Variants in UGT1A6 observed in about 807,000 individuals in gnomAD.
UGT1A6 encodes the protein UDP glucuronosyltransferase family 1 member A6, also known as UDP-glucuronosyltransferase 1A6.
In UGT1A6, 32 loss-of-function variants were observed where a neutral mutation model predicts 44.4. The ratio of observed to expected loss-of-function variants is 0.72; its 90% CI spans 0.54 to 0.97. The LOEUF (loss-of-function observed/expected upper bound fraction) is 0.97. UGT1A6 is among the 50% of genes least tolerant of loss of function. The pLI, the probability that UGT1A6 is intolerant of heterozygous loss-of-function variation, is 0.00. For missense variants in UGT1A6, 685 were observed against 661.9 expected (o/e 1.03, Z -0.38); for synonymous variants, 238 against 248.5 (o/e 0.96, Z 0.40).
At chr2:233,758,862 T>C (rs1697002343) in intron 1 of UGT1A6, among the ~76,000 whole-genome samples, 2 of 152,226 alleles carry the variant, frequency 1.3e-5, no homozygotes. Flanking sequence ...GGCTGCACAA[T>C]ACTTGCCCCA....
chr2:233,743,455 A>G (rs781319015), intron 1 of UGT1A6: 2 of 1,366,026 alleles, frequency 1.5e-6, no homozygotes, highest in Non-Finnish European at 9.8e-7. Flanking sequence ...AAAAGAAGAA[A>G]AAACACCCCC....
Position 233,695,329 on chromosome 2 carries a change from T to C in UGT1A6, c.861+1464T>C, listed in dbSNP as rs1478779015. ...TTAGTAGAGGCGGGGTTTCACCACG[T>C]TGGCCAGGATGGTCTCAATCTCTTG... On this transcript the variant is annotated intron_variant, in intron 1 of 4. Coordinates refer to ENST00000305139, the MANE Select transcript of UGT1A6 (RefSeq NM_001072.4). 5.3e-5 allele frequency among the ~76,000 whole-genome samples: 8 copies of C among 152,048 alleles called. No individual in the cohort carries two copies. The East Asian group carries it at 1.5e-3, about 29-fold the overall frequency.
At chr2:233,727,155 T>C (rs2077588603) in intron 1 of UGT1A6, among the ~76,000 whole-genome samples, 1 of 152,182 alleles carries the variant, frequency 6.6e-6, no homozygotes, top group South Asian at 2.1e-4. Flanking sequence ...GGTCAGTCTT[T>C]CAGGATGCTT....
chr2:233,719,308 A>C, intron 1 of UGT1A6: 1 of 1,613,974 alleles, frequency 6.2e-7, no homozygotes, highest in Non-Finnish European at 8.5e-7. Context: ...GTGCTGGCTA[A>C]GTACCTGTCG....
At chr2:233,697,515 TA>T (rs536054033) in intron 1 of UGT1A6, among the ~76,000 whole-genome samples, 97 of 150,120 alleles carry the variant, frequency 6.5e-4, no homozygotes, top group South Asian at 1.3e-3. Context: ...TTTTTTTTTT[TA>T]AAAAACTTTT....
chr2:233,768,488 A>T, intron 4 of UGT1A6, 49 bp downstream of exon 4: 1 of 1,577,512 alleles, frequency 6.3e-7, no homozygotes, highest in East Asian at 2.3e-5. Flanking sequence ...ATTCATGATA[A>T]AATTGTTTCA....
chr2:233,693,126 G>A lies in UGT1A6; in HGVS notation c.122G>A (p.Ser41Asn), dbSNP rs1417755680. Residue 41 changes from serine to asparagine, a missense_variant, in exon 1 of 5, where the codon AGT becomes AAT. Transcript: ENST00000305139. Reference protein sequence around the residue: ...VVPQDGSHWLSMKDIVEVLSD... With the variant: ...VVPQDGSHWLNMKDIVEVLSD... ...CCTCAGGACGGAAGCCACTGGCTTAGTATGAAGGATATAGTTGAGGTTCTC... is the reference window on the plus strand; with the variant it reads ...CCTCAGGACGGAAGCCACTGGCTTAATATGAAGGATATAGTTGAGGTTCTC... 9 of 1,614,224 alleles carry A rather than the reference G, an allele frequency of 5.6e-6. No individual in the cohort carries two copies. Among genetic ancestry groups the A allele is most frequent in the South Asian group, 3.3e-5 (3 of 91,080 alleles).
Position 233,729,197 on chromosome 2 carries a change from C to T in UGT1A6, c.861+35332C>T, listed in dbSNP as rs569872278. The stretch of plus-strand genomic sequence containing the variant: ...CTGCTGCTTCTCCTCAGTGTCCAGC[C>T]CTGGGCTGAGAGTGGAAAGGTGTTG... On this transcript the variant is annotated intron_variant, in intron 1 of 4. Coordinates refer to ENST00000305139, the MANE Select transcript of UGT1A6 (RefSeq NM_001072.4). 4.3e-6 allele frequency: 7 copies of T among 1,614,002 alleles called. No homozygotes were observed. The African/African-American group carries it at 8.0e-5, about 18-fold the overall frequency.
intron 1 of UGT1A6, among the ~76,000 whole-genome samples, chr2:233,712,313 A>G (rs2076226072): frequency 6.6e-6 from 1 of 150,438 alleles, no homozygotes. Context: ...AGAATCCTCA[A>G]CAAAGCCTTT....
chr2:233,760,180 T>C (rs1376949252), intron 1 of UGT1A6: 1 of 1,548,272 alleles, frequency 6.5e-7, no homozygotes, highest in Non-Finnish European at 8.7e-7. Flanking sequence ...GACAGCTTTT[T>C]ATAGTCACGT....
intron 1 of UGT1A6, chr2:233,730,115 T>C (rs2077988108): frequency 6.4e-7 from 1 of 1,560,670 alleles, no homozygotes; most frequent in Non-Finnish European, 8.7e-7. Flanking sequence ...CTGCTTCTCC[T>C]TGTCATAATA....
intron 1 of UGT1A6, among the ~76,000 whole-genome samples, chr2:233,724,618 G>C (rs1325870277): frequency 7.3e-6 from 1 of 137,158 alleles, no homozygotes; most frequent in Non-Finnish European, 1.6e-5. Context: ...GGGCAGAGAC[G>C]CTCCTCACTT....
chr2:233,772,331 C>G lies in UGT1A6; in HGVS notation c.1371C>G (p.Ala457=). ...GCCCGGTGGAGCCGCTGGACCTGGC[C>G]GTGTTCTGGGTGGAGTTTGTGATGA... ...KDRPVEPLDL[A]VFWVEFVMRH... Residue 457 remains alanine (A), a synonymous_variant, in exon 5 of 5, where the codon GCC becomes GCG. Coordinates refer to ENST00000305139, the MANE Select transcript of UGT1A6 (RefSeq NM_001072.4). The G allele has an allele frequency of 6.2e-7, 1 of 1,614,136 alleles. No individual in the cohort carries two copies. The highest frequency in any genetic ancestry group is 8.5e-7 in the Non-Finnish European group (1 of 1,180,034).
chr2:233,737,052 A>T (rs1559381224), intron 1 of UGT1A6, among the ~76,000 whole-genome samples: 1 of 152,244 alleles, frequency 6.6e-6, no homozygotes, highest in Non-Finnish European at 1.5e-5. Flanking sequence ...CCATACTAGG[A>T]GAACGAGTGC....
chr2:233,697,789 C>T (rs865908903), intron 1 of UGT1A6, among the ~76,000 whole-genome samples: 1 of 152,014 alleles, frequency 6.6e-6, no homozygotes, highest in South Asian at 2.1e-4. Flanking sequence ...TCATTCGTTT[C>T]AAGTAATTTT....
Position 233,693,450 on chromosome 2 carries a change from C to G in UGT1A6, c.446C>G (p.Thr149Arg), listed in dbSNP as rs767791458. 2 of 1,614,122 alleles carry G rather than the reference C, an allele frequency of 1.2e-6. No individual in the cohort carries two copies. The highest frequency in any genetic ancestry group is 1.7e-6 in the Non-Finnish European group (2 of 1,180,022). ...FKESKFDALF[T>R]DPALPCGVIL... ...GAGAGCAAGTTTGATGCTCTTTTCACAGACCCAGCCTTACCCTGTGGGGTG... is the reference window on the plus strand; with the variant it reads ...GAGAGCAAGTTTGATGCTCTTTTCAGAGACCCAGCCTTACCCTGTGGGGTG... The change falls in exon 1 of 5, where the codon ACA (threonine) becomes AGA (arginine). Residue 149 changes from threonine to arginine, a missense_variant. By Grantham distance (71) the Thr-to-Arg change is moderately conservative (BLOSUM62 -1). Transcript: ENST00000305139.
At chr2:233,770,240 T>A (rs1700042980) in intron 4 of UGT1A6, 1 of 152,226 alleles carries the variant, frequency 6.6e-6, no homozygotes, top group Non-Finnish European at 1.5e-5. Flanking sequence ...TCTCCATGAT[T>A]CCAACACTCT....
At chr2:233,700,189 G>A (rs954345337) in intron 1 of UGT1A6, among the ~76,000 whole-genome samples, 2 of 152,162 alleles carry the variant, frequency 1.3e-5, no homozygotes, top group Non-Finnish European at 2.9e-5. Context: ...TGAAATCTCA[G>A]CCTTTGTTGG....
intron 1 of UGT1A6, among the ~76,000 whole-genome samples, chr2:233,717,089 A>C (rs570408978): frequency 1.1e-4 from 16 of 152,286 alleles, no homozygotes; most frequent in South Asian, 2.1e-4. Flanking sequence ...AAATCAGATG[A>C]CATCACTATC....
Sources: gnomAD v4.1 joint callset for allele counts (sites outside exome capture counted in the v4.1 genomes callset) on GRCh38, gnomAD v4.1.1 for gene constraint, MANE v1.5 for transcripts, NCBI Gene and HGNC (gene_info 2026-07-23, HGNC 2026-07-21) for gene names.